CCSER1: variants seen among roughly 807,000 people sequenced by gnomAD.
The protein encoded by CCSER1 is coiled-coil serine rich protein 1.
A neutral mutation model predicts 82.0 loss-of-function variants in CCSER1; 41 were observed. That is an observed-to-expected ratio of 0.50 (90% CI 0.39 to 0.65). CCSER1 has a LOEUF of 0.65. Among genes scored for constraint, CCSER1 ranks in the 30% least tolerant of loss-of-function variants. The pLI, the probability that CCSER1 is intolerant of heterozygous loss-of-function variation, is 0.00. For missense variants in CCSER1, 1,119 were observed against 1,064.2 expected, an observed-to-expected ratio of 1.05 and a Z score of -0.72; for synonymous variants, 414 against 383.9, an observed-to-expected ratio of 1.08 and a Z score of -0.92.
intron 7 of CCSER1, among the ~76,000 whole-genome samples, chr4:90,774,081 T>C (rs557626401): frequency 2.6e-5 from 4 of 152,272 alleles, no homozygotes; most frequent in South Asian, 4.1e-4. Flanking sequence ...ATTTAATTTC[T>C]AGTTAGTCTA....
intron 5 of CCSER1, among the ~76,000 whole-genome samples, chr4:90,559,805 G>C: frequency 1.4e-5 from 1 of 71,136 alleles, no homozygotes; most frequent in Admixed American, 1.8e-4. Flanking sequence ...CCGAGACTCC[G>C]TCTCAAAAAA....
At chr4:90,378,027 T>C (rs1443135061) in intron 3 of CCSER1, among the ~76,000 whole-genome samples, 1 of 152,170 alleles carries the variant, frequency 6.6e-6, no homozygotes. Flanking sequence ...TAAGCATTTG[T>C]TCATTCATTA....
chr4:91,103,381 A>G (rs1029819121), intron 10 of CCSER1, among the ~76,000 whole-genome samples: 6 of 152,210 alleles, frequency 3.9e-5, no homozygotes, highest in African/African-American at 9.6e-5. Flanking sequence ...CCTCACCTAT[A>G]TGTCATCGGA....
intron 5 of CCSER1, among the ~76,000 whole-genome samples, chr4:90,485,217 G>C (rs1021690088): frequency 1.3e-5 from 2 of 152,194 alleles, no homozygotes; most frequent in Non-Finnish European, 1.5e-5. Context: ...TGTTAAGCCC[G>C]TTGGAAGAGC....
intron 5 of CCSER1, among the ~76,000 whole-genome samples, chr4:90,522,359 CTT>C (rs1384239483): frequency 6.6e-6 from 1 of 152,150 alleles, no homozygotes; most frequent in Non-Finnish European, 1.5e-5. Context: ...TGTGTCACAG[CTT>C]TAGGTCACAT....
chr4:90,732,551 T>G (rs956963372), intron 7 of CCSER1, among the ~76,000 whole-genome samples: 12 of 152,198 alleles, frequency 7.9e-5, no homozygotes, highest in African/African-American at 2.9e-4. Flanking sequence ...ATAAACATTA[T>G]TGTACAAATA....
intron 10 of CCSER1, among the ~76,000 whole-genome samples, chr4:91,316,560 C>T (rs1745849759): frequency 2.0e-5 from 3 of 151,996 alleles, no homozygotes; most frequent in Admixed American, 1.3e-4. Flanking sequence ...TAAATACGTA[C>T]GTCCTCTTGG....
intron 5 of CCSER1, among the ~76,000 whole-genome samples, chr4:90,622,516 GTGTT>G (rs1456557347): frequency 6.6e-6 from 1 of 152,104 alleles, no homozygotes; most frequent in East Asian, 1.9e-4. Context: ...AGAACATGCG[GTGTT>G]TGTTTTTTTG....
At chr4:91,253,555 T>C (rs1359503292) in intron 10 of CCSER1, among the ~76,000 whole-genome samples, 2 of 152,190 alleles carry the variant, frequency 1.3e-5, no homozygotes, top group African/African-American at 4.8e-5. Flanking sequence ...TAAAAATATA[T>C]TCTAAGGATT....
At chr4:90,966,476 A>G (rs974982929) in intron 9 of CCSER1, among the ~76,000 whole-genome samples, 6 of 152,122 alleles carry the variant, frequency 3.9e-5, no homozygotes, top group African/African-American at 9.7e-5. Flanking sequence ...AAAGCTGCCA[A>G]TATTTCTTAT....
chr4:91,179,473 C>T (rs1733771438), intron 10 of CCSER1, among the ~76,000 whole-genome samples: 1 of 152,246 alleles, frequency 6.6e-6, no homozygotes. Context: ...TCACATAGTC[C>T]CATATTTCTT....
At chr4:91,536,391 T>G (rs368541072) in intron 10 of CCSER1, among the ~76,000 whole-genome samples, 3 of 152,004 alleles carry the variant, frequency 2.0e-5, no homozygotes, top group Admixed American at 6.6e-5. Flanking sequence ...GAGAGAGAGA[T>G]AGGCAGACAA....
intron 1 of CCSER1, among the ~76,000 whole-genome samples, chr4:90,232,090 ACT>A (rs1744695296): frequency 6.6e-6 from 1 of 152,176 alleles, no homozygotes; most frequent in Non-Finnish European, 1.5e-5. Context: ...TCAAGCTACC[ACT>A]GACTTTCTTC....
chr4:90,180,190 G>A (rs1284884559), intron 1 of CCSER1, among the ~76,000 whole-genome samples: 4 of 151,142 alleles, frequency 2.6e-5, no homozygotes, highest in African/African-American at 9.7e-5. Flanking sequence ...GATAACTAAA[G>A]ATAATTTTTA....
At chr4:90,318,984 T>C (rs1379510544) in intron 3 of CCSER1, among the ~76,000 whole-genome samples, 1 of 152,190 alleles carries the variant, frequency 6.6e-6, no homozygotes, top group African/African-American at 2.4e-5. Context: ...GCATGCTTCA[T>C]TTGGATTGTG....
intron 10 of CCSER1, among the ~76,000 whole-genome samples, chr4:91,355,512 A>C (rs1466865883): frequency 6.6e-6 from 1 of 152,156 alleles, no homozygotes; most frequent in East Asian, 1.9e-4. Context: ...GTCCTGGTAC[A>C]CTTATAATAA....
chr4:91,202,253 T>A (rs192031538), intron 10 of CCSER1, among the ~76,000 whole-genome samples: 2 of 151,934 alleles, frequency 1.3e-5, no homozygotes, highest in Admixed American at 1.3e-4. Flanking sequence ...TTTCTTATCT[T>A]GCTACTCTGC....
intron 5 of CCSER1, among the ~76,000 whole-genome samples, chr4:90,528,307 A>G (rs1403855974): frequency 6.6e-6 from 1 of 152,128 alleles, no homozygotes; most frequent in Non-Finnish European, 1.5e-5. Context: ...TTTTTGAATT[A>G]TCATTTAACC....
chr4:90,619,101 G>A (rs1180090279), intron 5 of CCSER1, among the ~76,000 whole-genome samples: 1 of 151,570 alleles, frequency 6.6e-6, no homozygotes, highest in African/African-American at 2.4e-5. Flanking sequence ...CCTTTTTAGA[G>A]GTTTTTCATC....
Sources: allele counts gnomAD v4.1 joint callset (sites outside exome capture counted in the v4.1 genomes callset), GRCh38; gene constraint gnomAD v4.1.1; transcripts MANE v1.5; gene names NCBI Gene and HGNC (gene_info 2026-07-23, HGNC 2026-07-21).